VWA5B2: variants seen among roughly 807,000 people sequenced by gnomAD.
The protein encoded by VWA5B2 is von Willebrand factor A domain-containing protein 5B2.
A neutral mutation model predicts 118.5 loss-of-function variants in VWA5B2; 93 were observed. The ratio of observed to expected loss-of-function variants is 0.79; its 90% CI spans 0.66 to 0.93. The LOEUF (loss-of-function observed/expected upper bound fraction) is 0.93. Among genes scored for constraint, VWA5B2 ranks in the 40% least tolerant of loss-of-function variants. The probability of loss-of-function intolerance (pLI) is 0.00; values close to 1 mark genes in which losing one functional copy is unlikely to be tolerated. For synonymous variants in VWA5B2, 708 were observed against 716.3 expected, an observed-to-expected ratio of 0.99 and a Z score of 0.19; for missense variants, 1,546 against 1,672.8, an observed-to-expected ratio of 0.92 and a Z score of 1.32.
rs566967537 is a variant in VWA5B2, at chr3:184,237,400, C to T, written c.1708C>T (p.Arg570Cys). The change falls in exon 12 of 20, where the codon CGC (arginine) becomes TGC (cysteine). Residue 570 changes from arginine to cysteine, a missense_variant. This residue lies in a region of VWA5B2 where 775 missense variants were observed against 882.3 expected (regional missense o/e 0.88). Coordinates refer to ENST00000691901, the MANE Select transcript of VWA5B2 (RefSeq NM_001390846.1). This position sits in a 1 kb window ranked among gnomAD's most constrained non-coding sequence, Gnocchi z 5.6. ...SLFRVDGFRSRPPGGQEPGWQ... is the reference protein window; with the variant it reads ...SLFRVDGFRSCPPGGQEPGWQ... Reference sequence around the variant, plus strand: ...CTTCAGGGTGGATGGCTTCCGGTCCCGCCCACCAGGGGTAAGCTTGGGCTG... The same window carrying T: ...CTTCAGGGTGGATGGCTTCCGGTCCTGCCCACCAGGGGTAAGCTTGGGCTG... 7.1e-6 allele frequency: 11 copies of T among 1,548,834 alleles called. No individual in the cohort carries two copies. The highest frequency in any genetic ancestry group is 1.7e-4 in the Middle Eastern group (1 of 5,972).
rs1233360274 is a variant in VWA5B2, at chr3:184,238,332, T to G, written c.1749T>G (p.Gly583=). ...AAGAGCCTGGCTGGCAGAGCTCGGGTGGGTCCGTGTTTCCATCCCCAGAAG... is the reference window on the plus strand; with the variant it reads ...AAGAGCCTGGCTGGCAGAGCTCGGGGGGGTCCGTGTTTCCATCCCCAGAAG... ...GGQEPGWQSS[G]GSVFPSPEEA... The change falls in exon 13 of 20, where the codon GGT becomes GGG. Residue 583 remains glycine, a synonymous_variant. Coordinates refer to ENST00000691901, the MANE Select transcript of VWA5B2 (RefSeq NM_001390846.1). The surrounding 1 kb of genome is among the most constrained non-coding windows in gnomAD (Gnocchi z 5.0). The G allele has an allele frequency of 6.5e-7, 1 of 1,542,628 alleles. No homozygotes were observed. The highest frequency in any genetic ancestry group is 2.0e-5 in the Admixed American group (1 of 50,014).
In VWA5B2 at chr3:184,241,077, GCTC is replaced by G; in HGVS notation, c.2936_2938del (p.Pro979del). 1.3e-6 allele frequency: 2 copies of G among 1,551,746 alleles called. No individual in the cohort carries two copies. Among genetic ancestry groups the G allele is most frequent in the Non-Finnish European group, 1.7e-6 (2 of 1,147,004 alleles). ...TGCCTCTCACAGCCATCTAGATGCA[GCTC>G]CTCTGCCCACTGTTGTCTACTCTAA... On this transcript the variant is annotated inframe_deletion, in exon 18 of 20. Transcript: ENST00000691901. The surrounding 1 kb of genome is among the most constrained non-coding windows in gnomAD (Gnocchi z 5.1).
At chr3:184,234,933 G>A in intron 7 of VWA5B2, 178 bp downstream of exon 7, 2 of 1,152,218 alleles carry the variant, frequency 1.7e-6, no homozygotes, top group South Asian at 1.6e-5. Flanking sequence ...GAGGGCCGAT[G>A]TGAATCTCTC....
chr3:184,236,327 T>C lies in VWA5B2; in HGVS notation c.1213-16T>C. ...TTTCAGCCCAGTGCGTCCCAGCCTG[T>C]GCCTTCTCGCTCCAGGATGCTGTGC... On this transcript the variant is annotated splice_polypyrimidine_tract_variant and intron_variant, in intron 9 of 19. Transcript: ENST00000691901. 1.3e-6 allele frequency: 2 copies of C among 1,549,134 alleles called. No homozygotes were observed. The highest frequency in any genetic ancestry group is 8.7e-7 in the Non-Finnish European group (1 of 1,144,876).
intron 5 of VWA5B2, 87 bp from the exon 6 acceptor site, chr3:184,234,179 T>G: frequency 6.7e-7 from 1 of 1,481,738 alleles, no homozygotes; most frequent in Non-Finnish European, 9.1e-7. Flanking sequence ...GAGAGCTGAC[T>G]GAATCAGCCA....
rs753740315 is a variant in VWA5B2, at chr3:184,236,232, A to T, written c.1182A>T (p.Pro394=). ...NLAVFGTLVQ[P]LFPESRPCSD... ...CCGTGTTTGGGACGTTGGTGCAGCC[A>T]CTCTTCCCAGAGAGCCGGCCTTGCA... The change falls in exon 9 of 20, where the codon CCA becomes CCT. Residue 394 remains proline, a synonymous_variant. Transcript: ENST00000691901. 11 of 1,551,572 alleles carry T rather than the reference A, an allele frequency of 7.1e-6. No homozygotes were observed. In the South Asian group the frequency reaches 1.3e-4, roughly 18 times the overall value.
intron 3 of VWA5B2, among the ~76,000 whole-genome samples, chr3:184,231,677 C>A (rs1717413986): frequency 6.6e-6 from 1 of 152,248 alleles, no homozygotes. Flanking sequence ...CACTATGAGG[C>A]CCAGCGAGTG....
rs1718478318 is a variant in VWA5B2 at position 184,240,571 on chromosome 3, G to T, written c.2741-220G>T. The T allele has an allele frequency of 2.4e-5, 15 of 612,420 alleles. 1 individual carries two copies. In the South Asian group the frequency reaches 3.6e-4, roughly 15 times the overall value. The allele number at this position is 612,420 out of a possible 1,614,324, so 37.9% of individuals were successfully genotyped here. ...GTGTTGTCCAGAGTGCTGAATTTCT[G>T]GGCAGCCAGGGGGCTCTTGCTCTGC... On this transcript the variant is annotated intron_variant, in intron 16 of 19. Transcript: ENST00000691901.
In VWA5B2 at chr3:184,233,164, C is replaced by T; in HGVS notation, c.311-14C>T. The stretch of plus-strand genomic sequence containing the variant: ...CTTCCAGCATGCTCTGACCCCATTT[C>T]TCACCCATCATAGGTCATCTTGTCT... On this transcript the variant is annotated splice_polypyrimidine_tract_variant and intron_variant, in intron 3 of 19. Coordinates refer to ENST00000691901, the MANE Select transcript of VWA5B2 (RefSeq NM_001390846.1). The surrounding 1 kb of genome is among the most constrained non-coding windows in gnomAD (Gnocchi z 5.2). 1.3e-6 allele frequency: 2 copies of T among 1,547,336 alleles called. No homozygotes were observed. The highest frequency in any genetic ancestry group is 1.2e-5 in the South Asian group (1 of 83,428).
chr3:184,234,485 C>A (rs1717748960), intron 6 of VWA5B2, 88 bp downstream of exon 6: 9 of 1,536,436 alleles, frequency 5.9e-6, no homozygotes, highest in Non-Finnish European at 7.9e-6. Context: ...TTTCTGGGCC[C>A]CAGCCAGATG....
Position 184,241,530 on chromosome 3 carries a change from C to G in VWA5B2, c.3221C>G (p.Ala1074Gly). Reference protein sequence around the residue: ...QEAPGSFRLDAPFCAAVRISQ... With the variant: ...QEAPGSFRLDGPFCAAVRISQ... ...GCACCAGGCTCCTTCCGCCTGGACG[C>G]GCCCTTCTGCGCCGCTGTGCGCATC... Residue 1074 changes from alanine (A) to glycine (G), a missense_variant, in exon 20 of 20, where the codon GCG becomes GGG. By Grantham distance (60) the Ala-to-Gly change is moderately conservative. Transcript: ENST00000691901. This position sits in a 1 kb window ranked among gnomAD's most constrained non-coding sequence, Gnocchi z 5.1. The G allele has an allele frequency of 1.9e-6, 3 of 1,549,596 alleles. No individual in the cohort carries two copies. The highest frequency in any genetic ancestry group is 1.2e-5 in the South Asian group (1 of 83,988).
rs1164560740 is a variant in VWA5B2 at position 184,237,438 on chromosome 3, G to A, written c.1719+27G>A. ...TAAGCTTGGGCTGGGGTGTGGTAGG[G>A]GGGCTAGGGTGAGGTAGGGGGGCCT... On this transcript the variant is annotated intron_variant, in intron 12 of 19. Coordinates refer to ENST00000691901, the MANE Select transcript of VWA5B2 (RefSeq NM_001390846.1). This position sits in a 1 kb window ranked among gnomAD's most constrained non-coding sequence, Gnocchi z 5.6. The A allele has an allele frequency of 3.3e-6, 5 of 1,534,244 alleles. No individual in the cohort carries two copies. Among genetic ancestry groups the A allele is most frequent in the Non-Finnish European group, 4.4e-6 (5 of 1,135,158 alleles).
chr3:184,232,812 T>G, intron 3 of VWA5B2: 2 of 245,460 alleles, frequency 8.1e-6, no homozygotes, highest in Non-Finnish European at 1.6e-5. Flanking sequence ...CACAGGGAGA[T>G]GTCTATCCAC....
rs1297817167 is a variant in VWA5B2, at chr3:184,240,931, A to AG, written c.2878+7dup. The AG allele has an allele frequency of 6.4e-7, 1 of 1,551,426 alleles. No individual in the cohort carries two copies. The highest frequency in any genetic ancestry group is 1.4e-5 in the African/African-American group (1 of 73,004). Reference sequence around the variant, plus strand: ...GGCCCTGCAGGTGTGCAGCTCAGGTAGGGGCCTCTTCTGGTGACCTCTCAG... The same window carrying AG: ...GGCCCTGCAGGTGTGCAGCTCAGGTAGGGGGCCTCTTCTGGTGACCTCTCAG... On this transcript the variant is annotated splice_donor_region_variant and intron_variant, in intron 17 of 19. Coordinates refer to ENST00000691901, the MANE Select transcript of VWA5B2 (RefSeq NM_001390846.1).
At position 184,242,033 on chromosome 3, in the gene VWA5B2, G is replaced by A. The variant is rs762172047; in HGVS notation, c.3724G>A (p.Val1242Met). Residue 1242 changes from valine to methionine, a missense_variant, in exon 20 of 20, where the codon GTG becomes ATG. Transcript: ENST00000691901. ...LHLLCYSPAN[V>M] ...CCTGCTGTGCTACAGCCCAGCGAAC[G>A]TGTGAAGGCTGCCCCCTGCTGCTTG... is the stretch of plus-strand genomic sequence containing the variant. The A allele has an allele frequency of 2.6e-6, 4 of 1,549,118 alleles. No homozygotes were observed. The highest frequency in any genetic ancestry group is 2.7e-5 in the African/African-American group (2 of 73,040).
At chr3:184,236,592 C>T (rs1311868424) in intron 10 of VWA5B2, 41 bp downstream of exon 10, 1 of 1,547,074 alleles carries the variant, frequency 6.5e-7, no homozygotes, top group African/African-American at 1.4e-5. Context: ...ACTGAGCCCC[C>T]ACAAGGGGCT....
rs1021226259 is a variant in VWA5B2, at chr3:184,230,808, C to T, written c.201C>T (p.Ala67=). ...EVVSGFEAEA[A]GRRVSFQLQS... ...TGTCCGGCTTCGAGGCCGAGGCCGCCGGACGGCGCGTCTCCTTCCAGCTGC... is the reference window on the plus strand; with the variant it reads ...TGTCCGGCTTCGAGGCCGAGGCCGCTGGACGGCGCGTCTCCTTCCAGCTGC... Residue 67 remains alanine, a synonymous_variant, in exon 3 of 20, where the codon GCC becomes GCT. Coordinates refer to ENST00000691901, the MANE Select transcript of VWA5B2 (RefSeq NM_001390846.1). 6.4e-6 allele frequency: 8 copies of T among 1,250,426 alleles called. No homozygotes were observed. Among genetic ancestry groups the T allele is most frequent in the African/African-American group, 1.6e-5 (1 of 63,808 alleles). The allele number at this position is 1,250,426 out of a possible 1,614,324, so 77.5% of individuals were successfully genotyped here. A position where few individuals can be genotyped will look rare whatever the true frequency, so the allele number is the denominator to read the frequency against.
chr3:184,241,676 A>G lies in VWA5B2; in HGVS notation c.3367A>G (p.Thr1123Ala). 1.3e-6 allele frequency: 2 copies of G among 1,528,008 alleles called. No individual in the cohort carries two copies. The highest frequency in any genetic ancestry group is 1.2e-5 in the South Asian group (1 of 83,480). 94.7% of individuals were successfully genotyped at this position (1,528,008 alleles called of 1,614,324 possible). A position where few individuals can be genotyped will look rare whatever the true frequency, so the allele number is the denominator to read the frequency against. Residue 1123 changes from threonine to alanine, a missense_variant, in exon 20 of 20, where the codon ACG becomes GCG. Physicochemically the swap from Thr to Ala is moderately conservative, Grantham distance 58. Around this residue, in one of 3 missense-constraint regions of VWA5B2, gnomAD observed 763 missense variants for 766.6 expected, o/e 1.00. Coordinates refer to ENST00000691901, the MANE Select transcript of VWA5B2 (RefSeq NM_001390846.1). The surrounding 1 kb of genome is among the most constrained non-coding windows in gnomAD (Gnocchi z 5.1). ...TGGTGTTGGCCAGGGTGACAGTGCC[A>G]CGGCCTCCTGCAGCCCGTCCCCCAG... The part of the protein sequence containing the change: ...GPGVGQGDSA[T>A]ASCSPSPSSG...
rs1440747396 is a variant in VWA5B2, at chr3:184,237,566, C to T, written c.1719+155C>T. ...ATCCCCTAGGACTCCACAGAGATCA[C>T]ACTGGGCCCCCTAAGATGACCACAC... On this transcript the variant is annotated intron_variant, in intron 12 of 19. Transcript: ENST00000691901. The surrounding 1 kb of genome is among the most constrained non-coding windows in gnomAD (Gnocchi z 5.6). Among the ~76,000 whole-genome samples, 1 of 152,210 alleles carries T rather than the reference C, an allele frequency of 6.6e-6. No homozygotes were observed. The highest frequency in any genetic ancestry group is 2.4e-5 in the African/African-American group (1 of 41,438).
Sources: gnomAD v4.1 joint callset for allele counts (sites outside exome capture counted in the v4.1 genomes callset) on GRCh38, gnomAD v4.1.1 for gene constraint, gnomAD v4.1.1 regional missense constraint, Gnocchi (gnomAD v3.1) non-coding constraint, MANE v1.5 for transcripts, NCBI Gene and HGNC (gene_info 2026-07-23, HGNC 2026-07-21) for gene names.